The following FOXN1 variants were observed in gnomAD, a reference collection of about 807,000 sequenced individuals.
The protein encoded by FOXN1 is forkhead box N1.
A neutral mutation model predicts 49.0 loss-of-function variants in FOXN1; 15 were observed. The observed-to-expected ratio is 0.31, with a 90% CI of 0.20 to 0.47. The LOEUF is 0.47. FOXN1 is among the 20% of genes least tolerant of loss of function. The pLI, the probability that FOXN1 is intolerant of heterozygous loss-of-function variation, is 1.00. For missense variants in FOXN1, 800 were observed against 842.8 expected (o/e 0.95, Z 0.63); for synonymous variants, 356 against 369.0 (o/e 0.96, Z 0.40).
intron 1 of FOXN1, among the ~76,000 whole-genome samples, chr17:28,509,710 G>C (rs1255542700): frequency 6.6e-6 from 1 of 152,232 alleles, no homozygotes; most frequent in African/African-American, 2.4e-5. Flanking sequence ...CTGGCGCCCA[G>C]ACAGACCTCC....
intron 8 of FOXN1, among the ~76,000 whole-genome samples, chr17:28,536,037 G>C (rs570155855): frequency 6.6e-5 from 10 of 152,126 alleles, no homozygotes; most frequent in African/African-American, 2.4e-5. Context: ...ACCCATTCCC[G>C]TCTAAATTCC....
At chr17:28,523,813 TCTCTCTCTCTCTCTCTCTC>T in intron 1 of FOXN1, 124 bp from the exon 2 acceptor site, 1 of 709,348 alleles carries the variant, frequency 1.4e-6, no homozygotes, top group Non-Finnish European at 2.6e-6. Context: ...TCTCTCTCTC[TCTCTCTCTCTCTCTCTCTC>T]ATCAGATGGC....
At chr17:28,510,838 G>A (rs1289133060) in intron 1 of FOXN1, among the ~76,000 whole-genome samples, 2 of 152,218 alleles carry the variant, frequency 1.3e-5, no homozygotes, top group Admixed American at 6.5e-5. Context: ...TCTGCCTAAA[G>A]TGGGAAGGGT....
intron 1 of FOXN1, among the ~76,000 whole-genome samples, chr17:28,515,694 CCTCCACAGGTGTACA>C (rs1412657490): frequency 6.6e-6 from 1 of 151,444 alleles, no homozygotes; most frequent in Non-Finnish European, 1.5e-5. Flanking sequence ...GGTGAATATA[CCTCCACAGGTGTACA>C]CTCCTCAACA....
intron 6 of FOXN1, among the ~76,000 whole-genome samples, chr17:28,533,636 G>A (rs552105194): frequency 2.0e-5 from 3 of 152,262 alleles, no homozygotes; most frequent in African/African-American, 4.8e-5. Flanking sequence ...CCTCACAGTC[G>A]AGGAATTCAT....
chr17:28,535,269 C>G (rs977014020), intron 8 of FOXN1, 71 bp downstream of exon 8: 1 of 1,517,638 alleles, frequency 6.6e-7, no homozygotes, highest in East Asian at 2.3e-5. Context: ...GACTCATCTT[C>G]TCCAAGTCTC....
rs2070103051 is a variant in FOXN1 at position 28,537,560 on chromosome 17, C to T, written c.*124C>T. The T allele has an allele frequency of 1.3e-6, 1 of 769,354 alleles. No homozygotes were observed. The highest frequency in any genetic ancestry group is 2.0e-5 in the Admixed American group (1 of 50,098). The allele number at this position is 769,354 out of a possible 1,614,324, so 47.7% of individuals were successfully genotyped here. A position where few individuals can be genotyped will look rare whatever the true frequency, so the allele number is the denominator to read the frequency against. ...CTACCTGTCCCCTATGCCACTAAGC[C>T]AACGTGTGTGTCAGCTGGTAGCTGG... On this transcript the variant is annotated 3_prime_UTR_variant, in exon 9 of 9. Transcript: ENST00000579795.
chr17:28,518,122 A>G (rs1214995646), intron 1 of FOXN1, among the ~76,000 whole-genome samples: 1 of 151,928 alleles, frequency 6.6e-6, no homozygotes, highest in African/African-American at 2.4e-5. Context: ...CACAGGGTAC[A>G]CACCTCCATA....
rs758550198 is a variant in FOXN1 at position 28,534,680 on chromosome 17, G to T, written c.1136-27G>T. 1 of 1,613,148 alleles carries T rather than the reference G, an allele frequency of 6.2e-7. No individual in the cohort carries two copies. The highest frequency in any genetic ancestry group is 1.1e-5 in the South Asian group (1 of 91,010). ...GACTGTGGAGGAGGGAGGTCTCATG[G>T]TGTTCTTTCTCTCTTGGGCCTTTCA... On this transcript the variant is annotated intron_variant, in intron 7 of 8. Transcript: ENST00000579795. This position sits in a 1 kb window ranked among gnomAD's most constrained non-coding sequence, Gnocchi z 4.1.
At chr17:28,517,644 A>C (rs1454920181) in intron 1 of FOXN1, among the ~76,000 whole-genome samples, 7 of 52,592 alleles carry the variant, frequency 1.3e-4, no homozygotes, top group Admixed American at 1.6e-4. Context: ...TCCACAGGGT[A>C]CAGACCTCCA....
At chr17:28,524,256 C>T (rs2069711420) in intron 2 of FOXN1, among the ~76,000 whole-genome samples, 164 bp downstream of exon 2, 1 of 152,190 alleles carries the variant, frequency 6.6e-6, no homozygotes. Context: ...AGGGGTCACT[C>T]CTCATCCCTT....
intron 1 of FOXN1, among the ~76,000 whole-genome samples, chr17:28,522,905 C>T (rs908413589): frequency 2.0e-5 from 3 of 151,884 alleles, no homozygotes; most frequent in Non-Finnish European, 4.4e-5. Flanking sequence ...ATTTATGGGG[C>T]ACGGACTGTG....
At chr17:28,520,293 C>T (rs2069613261) in intron 1 of FOXN1, among the ~76,000 whole-genome samples, 1 of 152,214 alleles carries the variant, frequency 6.6e-6, no homozygotes, top group Admixed American at 6.5e-5. Context: ...ACAGGAGCCC[C>T]TCATAAACAC....
chr17:28,528,632 G>A (rs1042422137), intron 4 of FOXN1, among the ~76,000 whole-genome samples: 6 of 151,964 alleles, frequency 3.9e-5, no homozygotes, highest in African/African-American at 7.3e-5. Context: ...CTCCTACCCC[G>A]ACCTGTCCAC....
chr17:28,523,899 G>A (rs546357653), intron 1 of FOXN1, 57 bp from the exon 2 acceptor site: 1 of 1,595,098 alleles, frequency 6.3e-7, no homozygotes, highest in East Asian at 2.2e-5. Context: ...TGGCGAACCT[G>A]GGTTGGTCCC....
chr17:28,525,021 C>A, intron 3 of FOXN1, 54 bp downstream of exon 3: 1 of 1,388,970 alleles, frequency 7.2e-7, no homozygotes, highest in Non-Finnish European at 1.0e-6. Context: ...CAGTTCCTAG[C>A]AGCCTAGAAA....
At chr17:28,521,790 AC>A (rs2069647361) in intron 1 of FOXN1, among the ~76,000 whole-genome samples, 3 of 152,068 alleles carry the variant, frequency 2.0e-5, no homozygotes, top group South Asian at 4.1e-4. Context: ...TTTCCCTGTT[AC>A]CCTGTCTGTC....
intron 4 of FOXN1, among the ~76,000 whole-genome samples, chr17:28,528,831 A>G (rs2069835615): frequency 6.6e-6 from 1 of 152,186 alleles, no homozygotes; most frequent in African/African-American, 2.4e-5. Context: ...GGGTCCCGTC[A>G]CCATAGCAAC....
chr17:28,524,361 A>T, intron 2 of FOXN1, 142 bp from the exon 3 acceptor site: 1 of 797,268 alleles, frequency 1.3e-6, no homozygotes, highest in Non-Finnish European at 2.0e-6. Flanking sequence ...GGCCAAGGGT[A>T]GGCTATTTCT....
Sources: gnomAD v4.1 joint callset for allele counts (sites outside exome capture counted in the v4.1 genomes callset) on GRCh38, gnomAD v4.1.1 for gene constraint, Gnocchi (gnomAD v3.1) non-coding constraint, MANE v1.5 for transcripts, NCBI Gene and HGNC (gene_info 2026-07-23, HGNC 2026-07-21) for gene names.